Variants in LOC122539214 observed in about 807,000 individuals in gnomAD.
the LOC122539214 span, among the ~76,000 whole-genome samples, chr19:52,686,592 G>A: frequency 6.6e-6 from 1 of 151,366 alleles, no homozygotes; most frequent in African/African-American, 2.4e-5. Flanking sequence ...TTGTTTTTCT[G>A]AGATGGAGAC....
the LOC122539214 span, among the ~76,000 whole-genome samples, chr19:52,682,456 A>G: frequency 6.6e-6 from 1 of 152,180 alleles, no homozygotes; most frequent in South Asian, 2.1e-4. Context: ...GCAGATCACA[A>G]GGTCAGGAGT....
chr19:52,676,654 G>T, the LOC122539214 span, among the ~76,000 whole-genome samples: 8,928 of 129,496 alleles, frequency 0.069, 521 homozygotes, highest in Admixed American at 0.18. Context: ...GAACGGGCCA[G>T]GATGACAATG....
At chr19:52,688,969 A>G in the LOC122539214 span, among the ~76,000 whole-genome samples, 99 of 130,832 alleles carry the variant, frequency 7.6e-4, 1 homozygote, top group African/African-American at 1.4e-3. Flanking sequence ...AAAAAAAAAA[A>G]AAAGAGAGAG....
the LOC122539214 span, among the ~76,000 whole-genome samples, chr19:52,668,604 G>T: frequency 6.6e-6 from 1 of 152,000 alleles, no homozygotes; most frequent in African/African-American, 2.4e-5. Context: ...GACATGCCTC[G>T]TGCCAAATGA....
the LOC122539214 span, among the ~76,000 whole-genome samples, chr19:52,687,254 T>A: frequency 6.9e-6 from 1 of 145,140 alleles, no homozygotes; most frequent in African/African-American, 2.6e-5. Flanking sequence ...CTTTGGGAGG[T>A]CAAAGCAGGA....
the LOC122539214 span, among the ~76,000 whole-genome samples, chr19:52,668,530 G>A: frequency 1.3e-5 from 2 of 152,192 alleles, no homozygotes; most frequent in Admixed American, 1.3e-4. Flanking sequence ...TTTAGGGTGT[G>A]CTTTTTTCTC....
the LOC122539214 span, chr19:52,655,470 T>G: frequency 8.3e-7 from 1 of 1,200,598 alleles, no homozygotes; most frequent in Non-Finnish European, 1.2e-6. Context: ...AAAGCATGTA[T>G]GCGGCAAAAT....
chr19:52,675,588 T>C, the LOC122539214 span, among the ~76,000 whole-genome samples: 10 of 152,062 alleles, frequency 6.6e-5, no homozygotes, highest in Non-Finnish European at 7.4e-5. Context: ...GAGAGTGGTG[T>C]TGGAGGGGAT....
At chr19:52,686,575 T>G in the LOC122539214 span, among the ~76,000 whole-genome samples, 1 of 151,818 alleles carries the variant, frequency 6.6e-6, no homozygotes, top group Non-Finnish European at 1.5e-5. Context: ...TTTTATTTTT[T>G]GTTTGTTTGT....
the LOC122539214 span, among the ~76,000 whole-genome samples, chr19:52,673,247 T>C: frequency 2.6e-3 from 403 of 152,230 alleles, 3 homozygotes; most frequent in Non-Finnish European, 4.0e-3. Flanking sequence ...TGGCTCATGC[T>C]TGAATCCCAG....
At chr19:52,666,742 C>A in the LOC122539214 span, among the ~76,000 whole-genome samples, 1 of 151,882 alleles carries the variant, frequency 6.6e-6, no homozygotes, top group African/African-American at 2.4e-5. Context: ...ATTAACCCAG[C>A]AGGTTTTCTA....
the LOC122539214 span, among the ~76,000 whole-genome samples, chr19:52,657,676 C>G: frequency 1.1e-4 from 16 of 151,046 alleles, no homozygotes; most frequent in Non-Finnish European, 3.0e-5. Context: ...AGAGAAACCC[C>G]GTCTCTACTA....
chr19:52,681,269 T>G, the LOC122539214 span, among the ~76,000 whole-genome samples: 3 of 82,524 alleles, frequency 3.6e-5, no homozygotes, highest in Admixed American at 1.6e-4. Flanking sequence ...GGTGACAGAG[T>G]GAGACTTTCT....
chr19:52,652,701 G>T, the LOC122539214 span: 1 of 639,382 alleles, frequency 1.6e-6, no homozygotes, highest in Admixed American at 2.1e-5. Flanking sequence ...CATTACTGAG[G>T]ACTTTGTGAG....
the LOC122539214 span, chr19:52,654,012 T>C: frequency 1.9e-6 from 3 of 1,539,364 alleles, no homozygotes; most frequent in East Asian, 2.3e-5. Flanking sequence ...AAGAAATTCT[T>C]TGGGATGTTG....
At chr19:52,664,477 C>CA in the LOC122539214 span, among the ~76,000 whole-genome samples, 1 of 151,934 alleles carries the variant, frequency 6.6e-6, no homozygotes, top group African/African-American at 2.4e-5. Context: ...ACCTGGGTGT[C>CA]AAAGTGAGAC....
At chr19:52,661,294 C>A in the LOC122539214 span, among the ~76,000 whole-genome samples, 1 of 152,184 alleles carries the variant, frequency 6.6e-6, no homozygotes, top group Admixed American at 6.5e-5. Flanking sequence ...GAAAGCCCCA[C>A]AGGAAGACCT....
the LOC122539214 span, among the ~76,000 whole-genome samples, chr19:52,670,453 G>C: frequency 6.6e-6 from 1 of 152,030 alleles, no homozygotes; most frequent in East Asian, 1.9e-4. Flanking sequence ...CTCTGTGAGG[G>C]CACAACCTTC....
chr19:52,674,979 C>T, the LOC122539214 span, among the ~76,000 whole-genome samples: 10 of 152,116 alleles, frequency 6.6e-5, no homozygotes, highest in African/African-American at 2.4e-4. Flanking sequence ...CCTTGGGCTC[C>T]CAAAGTGCTG....
Sources: gnomAD v4.1 joint callset for allele counts (sites outside exome capture counted in the v4.1 genomes callset) on GRCh38, gnomAD v4.1.1 for gene constraint, MANE v1.5 for transcripts.